Variants in PRUNE2 observed in about 807,000 individuals in gnomAD.
The protein encoded by PRUNE2 is protein prune homolog 2.
A neutral mutation model predicts 252.0 loss-of-function variants in PRUNE2; 164 were observed. That is an observed-to-expected ratio of 0.65 (90% CI 0.57 to 0.74). The LOEUF (loss-of-function observed/expected upper bound fraction) is 0.74. Among genes scored for constraint, PRUNE2 ranks in the 30% least tolerant of loss-of-function variants. The pLI, the probability that PRUNE2 is intolerant of heterozygous loss-of-function variation, is 0.00. For synonymous variants in PRUNE2, 1,292 were observed against 1,350.2 expected (o/e 0.96, Z 0.94); for missense variants, 3,495 against 3,711.0 (o/e 0.94, Z 1.51).
At chr9:76,718,158 A>G (rs2047325301) in intron 6 of PRUNE2, among the ~76,000 whole-genome samples, 1 of 152,256 alleles carries the variant, frequency 6.6e-6, no homozygotes, top group Non-Finnish European at 1.5e-5. Context: ...GTGCAGATGC[A>G]GTGAAACCTT....
intron 7 of PRUNE2, 130 bp downstream of exon 7, chr9:76,713,433 A>T (rs555743509): frequency 2.3e-4 from 135 of 581,096 alleles, no homozygotes; most frequent in Middle Eastern, 5.2e-4. Flanking sequence ...CCTAAAACTC[A>T]AACCTCTAGG....
chr9:76,707,349 G>C lies in PRUNE2; in HGVS notation c.4925C>G (p.Thr1642Arg), dbSNP rs566651105. The C allele has an allele frequency of 6.2e-7, 1 of 1,613,916 alleles. No homozygotes were observed. The highest frequency in any genetic ancestry group is 1.3e-5 in the African/African-American group (1 of 75,044). ...DSFSSLSSPETGKYSEHSGTH... is the reference protein window; with the variant it reads ...DSFSSLSSPERGKYSEHSGTH... ...CCCTGAATGTTCAGAATATTTGCCTGTTTCAGGACTGGATAAAGAGGAAAA... is the reference window on the plus strand; with the variant it reads ...CCCTGAATGTTCAGAATATTTGCCTCTTTCAGGACTGGATAAAGAGGAAAA... The change falls in exon 8 of 19, where the codon ACA becomes AGA. Residue 1642 changes from threonine (T) to arginine (R), a missense_variant. Transcript: ENST00000376718.
At chr9:76,635,359 A>G (rs921400770) in intron 15 of PRUNE2, among the ~76,000 whole-genome samples, 5 of 152,182 alleles carry the variant, frequency 3.3e-5, no homozygotes, top group African/African-American at 9.7e-5. Context: ...CCTGCTACTC[A>G]ATTGAAGATA....
At chr9:76,628,935 C>G (rs1412000686) in intron 16 of PRUNE2, among the ~76,000 whole-genome samples, 1 of 151,836 alleles carries the variant, frequency 6.6e-6, no homozygotes, top group African/African-American at 2.4e-5. Flanking sequence ...GCCTTGACTT[C>G]CCAGGATCAG....
rs762647804 is a variant in PRUNE2, at chr9:76,706,995, T to C, written c.5279A>G (p.Gln1760Arg). ...ENKSNPFCDNQQSSPDPWTFS... is the reference protein window; with the variant it reads ...ENKSNPFCDNRQSSPDPWTFS... ...AGTCCAGGGATCAGGGCTGCTTTGT[T>C]GATTGTCACAGAATGGGTTTGACTT... is the stretch of plus-strand genomic sequence containing the variant. Residue 1760 changes from glutamine to arginine, a missense_variant, in exon 8 of 19, where the codon CAA becomes CGA. Gln to Arg is a conservative substitution (Grantham distance 43). Transcript: ENST00000376718. 264 of 1,613,924 alleles carry C rather than the reference T, an allele frequency of 1.6e-4. No individual in the cohort carries two copies. Among genetic ancestry groups the C allele is most frequent in the Non-Finnish European group, 2.1e-4 (246 of 1,179,896 alleles).
At chr9:76,763,816 G>A (rs1679380132) in intron 6 of PRUNE2, among the ~76,000 whole-genome samples, 1 of 148,100 alleles carries the variant, frequency 6.8e-6, no homozygotes, top group African/African-American at 2.5e-5. Context: ...ATGGGGAAGA[G>A]GGAGCTTTCT....
At chr9:76,732,779 C>T (rs2048742596) in intron 6 of PRUNE2, among the ~76,000 whole-genome samples, 1 of 152,160 alleles carries the variant, frequency 6.6e-6, no homozygotes, top group East Asian at 1.9e-4. Context: ...AGAAGTAGAC[C>T]TCCAGCAGCC....
At chr9:76,728,297 C>T (rs1356742164) in intron 6 of PRUNE2, among the ~76,000 whole-genome samples, 1 of 152,016 alleles carries the variant, frequency 6.6e-6, no homozygotes, top group African/African-American at 2.4e-5. Context: ...CCTGTATGTT[C>T]ACATCTCAAT....
intron 14 of PRUNE2, among the ~76,000 whole-genome samples, chr9:76,636,880 C>T (rs1192462597): frequency 6.6e-6 from 1 of 152,042 alleles, no homozygotes; most frequent in African/African-American, 2.4e-5. Flanking sequence ...CGCTTGAACC[C>T]AGGAGGCGGA....
At chr9:76,818,137 C>T (rs1176138736) in intron 6 of PRUNE2, among the ~76,000 whole-genome samples, 1 of 152,140 alleles carries the variant, frequency 6.6e-6, no homozygotes, top group African/African-American at 2.4e-5. Flanking sequence ...TCAAAACTAA[C>T]ATATGCTCCC....
At chr9:76,773,766 G>A (rs1429257213) in intron 6 of PRUNE2, among the ~76,000 whole-genome samples, 1 of 152,182 alleles carries the variant, frequency 6.6e-6, no homozygotes, top group Non-Finnish European at 1.5e-5. Context: ...TGTAGGTGCA[G>A]TAATGTAAGA....
intron 6 of PRUNE2, among the ~76,000 whole-genome samples, chr9:76,752,363 CT>C: frequency 6.6e-6 from 1 of 152,256 alleles, no homozygotes; most frequent in East Asian, 1.9e-4. Flanking sequence ...TCCCAAAGTG[CT>C]GGGATTACAG....
Position 76,705,032 on chromosome 9 carries a change from A to C in PRUNE2, c.7242T>G (p.Ala2414=). ...PAQSAETIEE[A]GSPEDESLGC... ...CCAGAGATTCATCCTCTGGAGACCC[A>C]GCTTCCTCTATTGTTTCAGCACTCT... Residue 2414 remains alanine, a synonymous_variant, in exon 8 of 19, where the codon GCT becomes GCG. Transcript: ENST00000376718. 2 of 1,614,024 alleles carry C rather than the reference A, an allele frequency of 1.2e-6. No homozygotes were observed. Among genetic ancestry groups the C allele is most frequent in the Non-Finnish European group, 1.7e-6 (2 of 1,179,890 alleles).
intron 6 of PRUNE2, among the ~76,000 whole-genome samples, chr9:76,812,520 T>A (rs545288816): frequency 7.2e-5 from 11 of 152,182 alleles, no homozygotes; most frequent in African/African-American, 2.4e-4. Context: ...TTTTGCATTT[T>A]AAAAAAAACT....
In PRUNE2 at chr9:76,854,425, G is replaced by GAA. The variant is rs1295079149; in HGVS notation, c.37-219_37-218dup. Among the ~76,000 whole-genome samples the GAA allele has an allele frequency of 3.9e-5, 6 of 152,292 alleles. No homozygotes were observed. The East Asian group carries it at 1.2e-3, about 29-fold the overall frequency. ...AAACTCTAGTAAACTTTCTGGAAGAGAAAATGTGGTTTTATTAAGATTACA... is the reference window on the plus strand; with the variant it reads ...AAACTCTAGTAAACTTTCTGGAAGAGAAAAAATGTGGTTTTATTAAGATTACA... On this transcript the variant is annotated intron_variant, in intron 1 of 18. Coordinates refer to ENST00000376718, the MANE Select transcript of PRUNE2 (RefSeq NM_015225.3).
At chr9:76,655,649 C>A in intron 9 of PRUNE2, 147 bp from the exon 10 acceptor site, 1 of 620,424 alleles carries the variant, frequency 1.6e-6, no homozygotes. Flanking sequence ...GTAAGTGGTC[C>A]CAAATTAAAG....
intron 9 of PRUNE2, among the ~76,000 whole-genome samples, chr9:76,686,306 G>C (rs989586160): frequency 6.6e-6 from 1 of 152,148 alleles, no homozygotes; most frequent in Non-Finnish European, 1.5e-5. Flanking sequence ...GCTGATAGAT[G>C]AAAGTACTGG....
chr9:76,836,404 G>A (rs1284255499), intron 4 of PRUNE2, among the ~76,000 whole-genome samples: 2 of 141,278 alleles, frequency 1.4e-5, no homozygotes, highest in Non-Finnish European at 3.1e-5. Context: ...CCCAAGAACA[G>A]GAGAAGGAGA....
chr9:76,861,287 A>G (rs1469694964), intron 1 of PRUNE2, among the ~76,000 whole-genome samples: 2 of 152,080 alleles, frequency 1.3e-5, no homozygotes, highest in African/African-American at 4.8e-5. Flanking sequence ...TGATTTTGAG[A>G]ACTCCTGACC....
Sources: gnomAD v4.1 joint callset for allele counts (sites outside exome capture counted in the v4.1 genomes callset) on GRCh38, gnomAD v4.1.1 for gene constraint, MANE v1.5 for transcripts, NCBI Gene and HGNC (gene_info 2026-07-23, HGNC 2026-07-21) for gene names.